The following MGRN1 variants were observed in gnomAD, a reference collection of about 807,000 sequenced individuals.
MGRN1 encodes mahogunin ring finger 1, also known as E3 ubiquitin-protein ligase MGRN1.
Under a neutral mutation model 69.2 loss-of-function variants are expected in MGRN1, and 29 were observed. The observed-to-expected ratio is 0.42, with a 90% CI of 0.31 to 0.57. The LOEUF (loss-of-function observed/expected upper bound fraction) is 0.57, where lower values mean the gene tolerates loss of function less well. MGRN1 is among the 20% of genes least tolerant of loss of function. The probability of loss-of-function intolerance (pLI) is 0.15; values close to 1 mark genes in which losing one functional copy is unlikely to be tolerated. For synonymous variants in MGRN1, 470 were observed against 344.2 expected (o/e 1.37, Z -4.04); for missense variants, 998 against 796.2 (o/e 1.25, Z -3.05).
chr16:4,677,506 AG>A lies in MGRN1; in HGVS notation c.1001del (p.Gly334GlufsTer164). On this transcript the variant is annotated frameshift_variant, in exon 11 of 17. Coordinates refer to ENST00000262370, the MANE Select transcript of MGRN1 (RefSeq NM_015246.4). LOFTEE classifies it high-confidence loss of function. ...LQIRAVRKKP[G>X]ALSPVSFSPV... ...AGATCCGGGCGGTGCGGAAGAAGCC[AG>A]GAGCCCTGTCCCCCGTGTCCTTCAG... The A allele has an allele frequency of 6.3e-7, 1 of 1,594,494 alleles. No individual in the cohort carries two copies. Among genetic ancestry groups the A allele is most frequent in the Non-Finnish European group, 8.5e-7 (1 of 1,176,304 alleles).
chr16:4,685,778 C>G (rs777605169), intron 16 of MGRN1, among the ~76,000 whole-genome samples: 1 of 152,250 alleles, frequency 6.6e-6, no homozygotes, highest in South Asian at 2.1e-4. Context: ...CATGAACACA[C>G]GCCAGAGCCT....
In MGRN1 at chr16:4,652,041, C is replaced by A. The variant is rs531069500; in HGVS notation, c.286C>A (p.Arg96=). ...SLVNIRKDSL[R]LVRYKDDADS... ...GGTGAACATCCGCAAAGACTCCCTGCGGCTGGTGAGGTAACTTCACCCTGC... is the reference window on the plus strand; with the variant it reads ...GGTGAACATCCGCAAAGACTCCCTGAGGCTGGTGAGGTAACTTCACCCTGC... Residue 96 remains arginine (R), a synonymous_variant, in exon 3 of 17, where the codon CGG becomes AGG. Coordinates refer to ENST00000262370, the MANE Select transcript of MGRN1 (RefSeq NM_015246.4). The A allele has an allele frequency of 1.2e-5, 19 of 1,613,974 alleles. No homozygotes were observed. In the Middle Eastern group the frequency reaches 2.3e-3, roughly 197 times the overall value.
At chr16:4,639,366 C>T (rs376958690) in intron 1 of MGRN1, among the ~76,000 whole-genome samples, 12 of 152,120 alleles carry the variant, frequency 7.9e-5, no homozygotes, top group African/African-American at 2.9e-4. Flanking sequence ...GGGAATAGCC[C>T]AGGCCGGGAA....
At position 4,668,296 on chromosome 16, in the gene MGRN1, T is replaced by C. The variant is rs769513294; in HGVS notation, c.710T>C (p.Leu237Ser). 1 of 1,614,084 alleles carries C rather than the reference T, an allele frequency of 6.2e-7. No homozygotes were observed. Among genetic ancestry groups the C allele is most frequent in the Non-Finnish European group, 8.5e-7 (1 of 1,179,988 alleles). The change falls in exon 8 of 17, where the codon TTA becomes TCA. Residue 237 changes from leucine (L) to serine (S), a missense_variant. Physicochemically the swap from Leu to Ser is moderately radical, Grantham distance 145. Transcript: ENST00000262370. ...HMDGSFSVKP[L>S]KQKQIVDRVS... ...GACGGCAGCTTCTCTGTGAAGCCTT[T>C]AAAGCAGAAGCAAATTGTAAGTCAT...
At position 4,664,716 on chromosome 16, in the gene MGRN1, T is replaced by C. The variant is rs754439115; in HGVS notation, c.569T>C (p.Phe190Ser). 9 of 1,614,188 alleles carry C rather than the reference T, an allele frequency of 5.6e-6. No individual in the cohort carries two copies. The highest frequency in any genetic ancestry group is 7.6e-6 in the Non-Finnish European group (9 of 1,180,032). Residue 190 changes from phenylalanine to serine, a missense_variant, in exon 6 of 17, where the codon TTT becomes TCT. By Grantham distance (155) the Phe-to-Ser change is radical. Coordinates refer to ENST00000262370, the MANE Select transcript of MGRN1 (RefSeq NM_015246.4). ...FSEWKDDELN[F>S]DLDRGVFPVV... ...TGGCAACTCTCTCCTCAGCTGAACT[T>C]TGACCTGGACCGGGGCGTGTTTCCA...
At chr16:4,667,103 C>T (rs963650572) in intron 7 of MGRN1, among the ~76,000 whole-genome samples, 4 of 152,192 alleles carry the variant, frequency 2.6e-5, no homozygotes, top group Non-Finnish European at 5.9e-5. Context: ...GAAAGGATCC[C>T]GTGTGACAAG....
intron 8 of MGRN1, among the ~76,000 whole-genome samples, chr16:4,670,803 G>A (rs2078921986): frequency 6.6e-6 from 1 of 152,252 alleles, no homozygotes; most frequent in South Asian, 2.1e-4. Flanking sequence ...GCCTTGTGTT[G>A]AGAGAGCTGA....
chr16:4,668,433 A>C, intron 8 of MGRN1, 121 bp downstream of exon 8: 1 of 925,212 alleles, frequency 1.1e-6, no homozygotes, highest in Non-Finnish European at 1.7e-6. Flanking sequence ...ATACACGCTC[A>C]TACACACTCA....
At chr16:4,643,649 C>T (rs530211840) in intron 1 of MGRN1, among the ~76,000 whole-genome samples, 3 of 152,006 alleles carry the variant, frequency 2.0e-5, no homozygotes, top group Admixed American at 6.6e-5. Context: ...TGGGATTACA[C>T]GCGTGAGTCA....
At chr16:4,636,197 G>A (rs563987372) in intron 1 of MGRN1, among the ~76,000 whole-genome samples, 2 of 152,110 alleles carry the variant, frequency 1.3e-5, no homozygotes, top group East Asian at 1.9e-4. Flanking sequence ...GAGCAGTACC[G>A]GCCCCCAGAG....
At chr16:4,628,266 G>T (rs1422863882) in intron 1 of MGRN1, among the ~76,000 whole-genome samples, 1 of 151,032 alleles carries the variant, frequency 6.6e-6, no homozygotes, top group Non-Finnish European at 1.5e-5. Flanking sequence ...GGCGCTTGTA[G>T]TCCCAGCCAC....
chr16:4,635,695 C>T (rs991883384), intron 1 of MGRN1, among the ~76,000 whole-genome samples: 9 of 150,882 alleles, frequency 6.0e-5, no homozygotes, highest in African/African-American at 1.2e-4. Context: ...TGTGCAGTGG[C>T]GCAATATTGG....
chr16:4,680,921 C>T (rs946290839), intron 12 of MGRN1, among the ~76,000 whole-genome samples: 2 of 152,210 alleles, frequency 1.3e-5, no homozygotes, highest in African/African-American at 2.4e-5. Context: ...AGCGTTGTGC[C>T]CCTCAACCTG....
At chr16:4,663,660 C>T (rs909555965) in intron 5 of MGRN1, among the ~76,000 whole-genome samples, 4 of 152,160 alleles carry the variant, frequency 2.6e-5, no homozygotes, top group Admixed American at 6.5e-5. Context: ...TGATGGTGGC[C>T]GGTGGCTTTC....
At chr16:4,639,439 G>A (rs1384876912) in intron 1 of MGRN1, among the ~76,000 whole-genome samples, 1 of 152,200 alleles carries the variant, frequency 6.6e-6, no homozygotes, top group Non-Finnish European at 1.5e-5. Context: ...GCTTGGCCAT[G>A]GCCTTCAGGT....
chr16:4,684,079 A>G (rs2079251730), intron 16 of MGRN1, 147 bp downstream of exon 16: 2 of 753,964 alleles, frequency 2.7e-6, no homozygotes, highest in Admixed American at 2.5e-5. Context: ...TGCCCCTGCT[A>G]TTGACCGTGA....
Position 4,683,693 on chromosome 16 carries a change from G to A in MGRN1, c.1529-150G>A, listed in dbSNP as rs2079241712. ...CTTTGGGGTCCCTGGAGAGCAGGTG[G>A]GGTCACGGTGGAGTCCTGCTGGAGC... On this transcript the variant is annotated intron_variant, in intron 15 of 16. Coordinates refer to ENST00000262370, the MANE Select transcript of MGRN1 (RefSeq NM_015246.4). 2 of 619,994 alleles carry A rather than the reference G, an allele frequency of 3.2e-6. 1 individual carries two copies. Among genetic ancestry groups the A allele is most frequent in the Admixed American group, 5.9e-5 (2 of 33,806 alleles). The allele number at this position is 619,994 out of a possible 1,614,324, so 38.4% of individuals were successfully genotyped here.
chr16:4,636,922 A>G (rs1038336860), intron 1 of MGRN1, among the ~76,000 whole-genome samples: 1 of 150,728 alleles, frequency 6.6e-6, no homozygotes, highest in Non-Finnish European at 1.5e-5. Flanking sequence ...GATCGAGACC[A>G]TCCTGGCTAA....
At chr16:4,682,251 C>T (rs1179425694) in intron 13 of MGRN1, among the ~76,000 whole-genome samples, 1 of 152,224 alleles carries the variant, frequency 6.6e-6, no homozygotes, top group Non-Finnish European at 1.5e-5. Flanking sequence ...GGGCACGGTC[C>T]CTCTCCAGGC....
Sources: allele counts gnomAD v4.1 joint callset (sites outside exome capture counted in the v4.1 genomes callset), GRCh38; gene constraint gnomAD v4.1.1; transcripts MANE v1.5; gene names NCBI Gene and HGNC (gene_info 2026-07-23, HGNC 2026-07-21).